Variants in UPF2 observed in about 807,000 individuals in gnomAD.
UPF2 encodes UPF2 regulator of nonsense mediated mRNA decay.
UPF2 carries 17 observed loss-of-function variants against 141.4 expected under a neutral mutation model. That is an observed-to-expected ratio of 0.12 (90% CI 0.08 to 0.18). The LOEUF is 0.18. Ranked by LOEUF, UPF2 falls within the 10% of genes least tolerant of loss-of-function variation. UPF2 has a pLI of 1.00. For missense variants in UPF2, 1,152 were observed against 1,515.9 expected (o/e 0.76, Z 3.99); for synonymous variants, 540 against 498.0 (o/e 1.08, Z -1.12).
In UPF2 at chr10:12,029,314, A is replaced by G; in HGVS notation, c.576T>C (p.Asp192=). The change falls in exon 3 of 22, where the codon GAT becomes GAC. Residue 192 remains aspartate (D), a synonymous_variant. Coordinates refer to ENST00000357604, the MANE Select transcript of UPF2 (RefSeq NM_015542.4). ...ATTTGCTTAAATTTAGGCCATTAAA[A>G]TCATGGGACAAGGAGTCTCTCTGTT... The part of the protein sequence containing the change: ...TEQQRDSLSH[D]FNGLNLSKYI... 1.2e-6 allele frequency: 2 copies of G among 1,614,192 alleles called. No individual in the cohort carries two copies. The highest frequency in any genetic ancestry group is 1.7e-6 in the Non-Finnish European group (2 of 1,180,036).
chr10:12,034,140 T>C (rs1172628399), intron 2 of UPF2, among the ~76,000 whole-genome samples: 4 of 152,296 alleles, frequency 2.6e-5, no homozygotes, highest in Non-Finnish European at 4.4e-5. Context: ...CTTCATTTTG[T>C]TAATCTGTAA....
At position 11,923,718 on chromosome 10, in the gene UPF2, A is replaced by C. The variant is rs1218558283; in HGVS notation, c.3810-2411T>G. The stretch of plus-strand genomic sequence containing the variant: ...GCTGGGCGTGGTGGCACATGCCTGT[A>C]ATCACAGCTACTTGGGAGGCTGAGG... On this transcript the variant is annotated intron_variant, in intron 21 of 21. Coordinates refer to ENST00000357604, the MANE Select transcript of UPF2 (RefSeq NM_015542.4). Among the ~76,000 whole-genome samples the C allele has an allele frequency of 3.3e-5, 5 of 151,898 alleles. No homozygotes were observed. In the East Asian group the frequency reaches 9.7e-4, roughly 29 times the overall value.
At chr10:11,991,728 T>A (rs1300630087) in intron 8 of UPF2, among the ~76,000 whole-genome samples, 1 of 152,214 alleles carries the variant, frequency 6.6e-6, no homozygotes, top group Admixed American at 6.5e-5. Context: ...TTAAAAGGTA[T>A]GAGCTGTGGA....
At position 11,999,960 on chromosome 10, in the gene UPF2, T is replaced by A. The variant is rs1239934139; in HGVS notation, c.1704A>T (p.Val568=). Residue 568 remains valine (V), a synonymous_variant, in exon 7 of 22, where the codon GTA becomes GTT. Transcript: ENST00000357604. ...TGGGTAACTGCTGTAGGAAAGCATC[T>A]ACTATGAGCTTGAGATGAGATCCAG... ...ASTGSHLKLI[V]DAFLQQLPNC... 6.2e-7 allele frequency: 1 copy of A among 1,613,762 alleles called. No individual in the cohort carries two copies. Among genetic ancestry groups the A allele is most frequent in the Non-Finnish European group, 8.5e-7 (1 of 1,179,912 alleles).
chr10:11,929,050 A>G (rs1028504793), intron 21 of UPF2, among the ~76,000 whole-genome samples: 4 of 151,970 alleles, frequency 2.6e-5, no homozygotes, highest in Middle Eastern at 3.2e-3. Flanking sequence ...CGGGAGGTTG[A>G]GGCTGGAGAA....
intron 3 of UPF2, among the ~76,000 whole-genome samples, chr10:12,024,945 A>AAAC (rs1834390819): frequency 6.7e-6 from 1 of 150,290 alleles, no homozygotes; most frequent in South Asian, 2.1e-4. Context: ...AAAAAAAAAA[A>AAAC]AAAAAAAAAA....
At chr10:12,012,033 G>A (rs1834136618) in intron 4 of UPF2, among the ~76,000 whole-genome samples, 1 of 151,720 alleles carries the variant, frequency 6.6e-6, no homozygotes, top group Non-Finnish European at 1.5e-5. Context: ...TTAGAGAAAA[G>A]GGGTAAAGAA....
chr10:11,946,830 T>C (rs1204540334), intron 16 of UPF2, among the ~76,000 whole-genome samples: 1 of 152,194 alleles, frequency 6.6e-6, no homozygotes, highest in African/African-American at 2.4e-5. Flanking sequence ...TCCTCCCACC[T>C]CAGCCTCCCG....
chr10:11,954,333 T>C (rs1247180534), intron 14 of UPF2, among the ~76,000 whole-genome samples: 1 of 151,958 alleles, frequency 6.6e-6, no homozygotes, highest in Non-Finnish European at 1.5e-5. Flanking sequence ...TAGGTTTTCT[T>C]TTTTTAAAAA....
At position 11,948,532 on chromosome 10, in the gene UPF2, G is replaced by GA. The variant is rs746992112; in HGVS notation, c.3035-25dup. On this transcript the variant is annotated intron_variant, in intron 15 of 21. Transcript: ENST00000357604. ...GCCTTGAAATGAGAAGGTGGAAATGGAAAAATACATTAAAAATAGACACAG... is the reference window on the plus strand; with the variant it reads ...GCCTTGAAATGAGAAGGTGGAAATGGAAAAAATACATTAAAAATAGACACAG... The GA allele has an allele frequency of 8.0e-5, 128 of 1,605,412 alleles. No individual in the cohort carries two copies. The African/African-American group carries it at 1.6e-3, about 20-fold the overall frequency.
chr10:11,967,673 C>T (rs923142854), intron 9 of UPF2, among the ~76,000 whole-genome samples: 3 of 151,560 alleles, frequency 2.0e-5, no homozygotes, highest in African/African-American at 7.3e-5. Flanking sequence ...CTTCACCCTC[C>T]CGAGTAGCTG....
intron 3 of UPF2, among the ~76,000 whole-genome samples, chr10:12,015,521 GCAAA>G (rs1297772743): frequency 1.3e-5 from 2 of 152,178 alleles, no homozygotes. Flanking sequence ...GGTCAACATG[GCAAA>G]ACCTCGTCTC....
chr10:12,036,073 A>G (rs1403236440), intron 1 of UPF2, among the ~76,000 whole-genome samples: 2 of 152,250 alleles, frequency 1.3e-5, no homozygotes, highest in African/African-American at 4.8e-5. Context: ...GTATTAGTTA[A>G]AGTTAATTTA....
intron 16 of UPF2, among the ~76,000 whole-genome samples, chr10:11,945,474 G>T (rs539050200): frequency 5.3e-5 from 8 of 152,236 alleles, no homozygotes; most frequent in African/African-American, 1.9e-4. Context: ...AAGGAGAAGT[G>T]AACTATTCCA....
Position 12,029,320 on chromosome 10 carries a change from G to T in UPF2, c.570C>A (p.Ser190=). The T allele has an allele frequency of 6.2e-7, 1 of 1,614,084 alleles. No individual in the cohort carries two copies. Among genetic ancestry groups the T allele is most frequent in the South Asian group, 1.1e-5 (1 of 91,058 alleles). The part of the protein sequence containing the change: ...TITEQQRDSL[S]HDFNGLNLSK... Reference sequence around the variant, plus strand: ...TTAAATTTAGGCCATTAAAATCATGGGACAAGGAGTCTCTCTGTTGTTCTG... The same window carrying T: ...TTAAATTTAGGCCATTAAAATCATGTGACAAGGAGTCTCTCTGTTGTTCTG... The change falls in exon 3 of 22, where the codon TCC becomes TCA. Residue 190 remains serine, a synonymous_variant. Transcript: ENST00000357604.
intron 21 of UPF2, among the ~76,000 whole-genome samples, chr10:11,922,081 C>G (rs904892447): frequency 5.9e-5 from 9 of 152,022 alleles, no homozygotes; most frequent in African/African-American, 2.2e-4. Context: ...AAGGCGGAGA[C>G]CAGGGTGAGG....
At chr10:12,030,368 T>C (rs1313261497) in intron 2 of UPF2, among the ~76,000 whole-genome samples, 1 of 151,924 alleles carries the variant, frequency 6.6e-6, no homozygotes, top group Non-Finnish European at 1.5e-5. Context: ...ACCCCGTCTC[T>C]ACTAAAAATA....
rs749135082 is a variant in UPF2 at position 11,931,827 on chromosome 10, G to C, written c.3547-45C>G. On this transcript the variant is annotated intron_variant, in intron 19 of 21. Coordinates refer to ENST00000357604, the MANE Select transcript of UPF2 (RefSeq NM_015542.4). This position sits in a 1 kb window ranked among gnomAD's most constrained non-coding sequence, Gnocchi z 5.9. ...GAGTTACAAATAGTTTGAGAACACTGAGAGAAAGAAAAAACAGACTTCAAA... is the reference window on the plus strand; with the variant it reads ...GAGTTACAAATAGTTTGAGAACACTCAGAGAAAGAAAAAACAGACTTCAAA... 16 of 1,561,670 alleles carry C rather than the reference G, an allele frequency of 1.0e-5. No individual in the cohort carries two copies. Among genetic ancestry groups the C allele is most frequent in the Admixed American group, 2.1e-5 (1 of 46,964 alleles).
At chr10:11,972,355 A>T (rs1040574556) in intron 9 of UPF2, among the ~76,000 whole-genome samples, 9 of 152,214 alleles carry the variant, frequency 5.9e-5, no homozygotes, top group Admixed American at 5.2e-4. Context: ...ATAAATAAGT[A>T]AATTTGCCTT....
Sources: gnomAD v4.1 joint callset for allele counts (sites outside exome capture counted in the v4.1 genomes callset) on GRCh38, gnomAD v4.1.1 for gene constraint, Gnocchi (gnomAD v3.1) non-coding constraint, MANE v1.5 for transcripts, NCBI Gene and HGNC (gene_info 2026-07-23, HGNC 2026-07-21) for gene names.